ADARB2: variants seen among roughly 807,000 people sequenced by gnomAD.
ADARB2 encodes the protein adenosine deaminase RNA specific B2 (inactive).
In ADARB2, 25 loss-of-function variants were observed where a neutral mutation model predicts 62.2. The observed-to-expected ratio is 0.40, with a 90% CI of 0.29 to 0.56. The LOEUF (loss-of-function observed/expected upper bound fraction) is 0.56, where lower values mean the gene tolerates loss of function less well. Among genes scored for constraint, ADARB2 ranks in the 20% least tolerant of loss-of-function variants. ADARB2 has a pLI of 0.43. For missense variants in ADARB2, 1,071 were observed against 1,077.4 expected, an observed-to-expected ratio of 0.99 and a Z score of 0.08; for synonymous variants, 572 against 500.8, an observed-to-expected ratio of 1.14 and a Z score of -1.90.
At chr10:1,651,166 G>A (rs1834104741) in intron 1 of ADARB2, among the ~76,000 whole-genome samples, 1 of 152,224 alleles carries the variant, frequency 6.6e-6, no homozygotes, top group South Asian at 2.1e-4. Flanking sequence ...TCAGAGCAGG[G>A]ACAGTTCTCG....
intron 8 of ADARB2, among the ~76,000 whole-genome samples, chr10:1,192,775 A>G (rs1332748491): frequency 1.3e-5 from 2 of 152,182 alleles, no homozygotes; most frequent in East Asian, 1.9e-4. Context: ...TCCTGTCTCT[A>G]TTAAAAATAC....
At chr10:1,636,403 G>C (rs570506665) in intron 1 of ADARB2, among the ~76,000 whole-genome samples, 1 of 152,264 alleles carries the variant, frequency 6.6e-6, no homozygotes, top group African/African-American at 2.4e-5. Flanking sequence ...TGTAGTCCCA[G>C]CTACTCAGGA....
intron 3 of ADARB2, among the ~76,000 whole-genome samples, chr10:1,328,996 T>TTAAA (rs770240850): frequency 5.9e-4 from 45 of 75,682 alleles, no homozygotes; most frequent in African/African-American, 2.6e-3. Flanking sequence ...GACCCTGTCT[T>TTAAA]AAAAAAAAAA....
intron 7 of ADARB2, among the ~76,000 whole-genome samples, chr10:1,214,021 T>C (rs1837196857): frequency 6.7e-6 from 1 of 150,138 alleles, no homozygotes; most frequent in South Asian, 2.1e-4. Context: ...GGTTCGCACC[T>C]GTGTCCAGCG....
chr10:1,729,247 C>A (rs1036152448), intron 1 of ADARB2, among the ~76,000 whole-genome samples: 1 of 152,150 alleles, frequency 6.6e-6, no homozygotes, highest in Non-Finnish European at 1.5e-5. Flanking sequence ...TTTAATAAAA[C>A]AAATCATTTG....
chr10:1,200,018 C>A lies in ADARB2; in HGVS notation c.1812G>T (p.Glu604Asp). 6.3e-7 allele frequency: 1 copy of A among 1,587,178 alleles called. No homozygotes were observed. The change falls in exon 8 of 10, where the codon GAG becomes GAT. Residue 604 changes from glutamate (E) to aspartate (D), a missense_variant. By Grantham distance (45) the Glu-to-Asp change is conservative. Coordinates refer to ENST00000381312, the MANE Select transcript of ADARB2 (RefSeq NM_018702.4). ...AGGAGGCGGGCAGCTGGCCGACACC[C>A]TCCATGCGGTGGCTCATGACGCGTG... ...HLARVMSHRM[E>D]GVGQLPASYR...
intron 1 of ADARB2, among the ~76,000 whole-genome samples, chr10:1,670,259 T>A (rs1834368070): frequency 6.6e-6 from 1 of 152,234 alleles, no homozygotes; most frequent in Non-Finnish European, 1.5e-5. Flanking sequence ...AGAGATAGTA[T>A]TTGGAAGGTT....
At chr10:1,528,346 G>A (rs1374882163) in intron 1 of ADARB2, among the ~76,000 whole-genome samples, 2 of 152,168 alleles carry the variant, frequency 1.3e-5, no homozygotes, top group African/African-American at 4.8e-5. Flanking sequence ...ATCGATGTTT[G>A]GAACCCCTGG....
At chr10:1,692,482 T>TCC (rs925980024) in intron 1 of ADARB2, among the ~76,000 whole-genome samples, 1 of 152,152 alleles carries the variant, frequency 6.6e-6, no homozygotes, top group African/African-American at 2.4e-5. Context: ...GAGTCCACTG[T>TCC]CCCAAATTCA....
intron 5 of ADARB2, among the ~76,000 whole-genome samples, chr10:1,234,700 C>G (rs114173318): frequency 0.018 from 2,623 of 148,050 alleles, 35 homozygotes; most frequent in Middle Eastern, 0.05. Flanking sequence ...CCCCAGGCTC[C>G]GAAAGTGCTG....
intron 1 of ADARB2, among the ~76,000 whole-genome samples, chr10:1,642,558 A>T: frequency 6.6e-6 from 1 of 152,198 alleles, no homozygotes; most frequent in Non-Finnish European, 1.5e-5. Flanking sequence ...AAAAACCACC[A>T]CATTGGTATA....
intron 5 of ADARB2, among the ~76,000 whole-genome samples, chr10:1,235,396 C>T (rs147867228): frequency 1.2e-3 from 95 of 77,202 alleles, no homozygotes; most frequent in African/African-American, 4.7e-3. Flanking sequence ...GAAGCTGGAG[C>T]TGAGCAGCCC....
intron 3 of ADARB2, among the ~76,000 whole-genome samples, chr10:1,351,000 C>G (rs1026562533): frequency 2.6e-5 from 4 of 152,158 alleles, no homozygotes; most frequent in Non-Finnish European, 5.9e-5. Context: ...CCTCCAGGCC[C>G]GTTTACCCGA....
intron 9 of ADARB2, among the ~76,000 whole-genome samples, chr10:1,184,604 A>G (rs1310415753): frequency 2.0e-5 from 3 of 152,220 alleles, no homozygotes; most frequent in African/African-American, 4.8e-5. Flanking sequence ...CGGCTCCGTC[A>G]GGGGTTCAGC....
intron 1 of ADARB2, among the ~76,000 whole-genome samples, chr10:1,509,481 C>T (rs577373078): frequency 5.6e-4 from 85 of 152,270 alleles, no homozygotes; most frequent in Middle Eastern, 6.8e-3. Flanking sequence ...GATATTCACC[C>T]GGGGACAGAG....
At chr10:1,537,713 C>T (rs1256305367) in intron 1 of ADARB2, among the ~76,000 whole-genome samples, 3 of 152,124 alleles carry the variant, frequency 2.0e-5, no homozygotes, top group Admixed American at 6.5e-5. Context: ...AACACAGGAA[C>T]AGAAAACCAA....
chr10:1,378,715 G>A (rs1203260354), intron 2 of ADARB2, among the ~76,000 whole-genome samples: 1 of 152,102 alleles, frequency 6.6e-6, no homozygotes, highest in Non-Finnish European at 1.5e-5. Flanking sequence ...AAGTGAGGAT[G>A]GGACCACAGG....
In ADARB2 at chr10:1,450,556, C is replaced by T. The variant is rs569206324; in HGVS notation, c.101-71396G>A. Among the ~76,000 whole-genome samples, 11 of 152,374 alleles carry T rather than the reference C, an allele frequency of 7.2e-5. 1 individual carries two copies. In the South Asian group the frequency reaches 2.3e-3, roughly 32 times the overall value. ...TTATTGTGTTCACATCTACCGTTTG[C>T]TGGCTCCTTTTGTTGAGGATGTCTG... is the stretch of plus-strand genomic sequence containing the variant. On this transcript the variant is annotated intron_variant, in intron 1 of 9. Transcript: ENST00000381312.
intron 1 of ADARB2, among the ~76,000 whole-genome samples, chr10:1,591,160 C>A (rs1393064706): frequency 6.6e-6 from 1 of 152,200 alleles, no homozygotes; most frequent in South Asian, 2.1e-4. Context: ...TCACCGGGAG[C>A]CTGGTCCCCA....
Sources: gnomAD v4.1 joint callset for allele counts (sites outside exome capture counted in the v4.1 genomes callset) on GRCh38, gnomAD v4.1.1 for gene constraint, MANE v1.5 for transcripts, NCBI Gene and HGNC (gene_info 2026-07-23, HGNC 2026-07-21) for gene names.